Variants in CAND1 observed in about 807,000 individuals in gnomAD.
CAND1 encodes the protein cullin-associated NEDD8-dissociated protein 1.
A neutral mutation model predicts 108.5 loss-of-function variants in CAND1; 7 were observed. That is an observed-to-expected ratio of 0.06 (90% CI 0.04 to 0.12). The LOEUF is 0.12. CAND1 is among the 10% of genes least tolerant of loss of function. The probability of loss-of-function intolerance (pLI) is 1.00; values close to 1 mark genes in which losing one functional copy is unlikely to be tolerated. For missense variants in CAND1, 941 were observed against 1,448.7 expected (o/e 0.65, Z 5.69); for synonymous variants, 534 against 512.0 (o/e 1.04, Z -0.58).
In CAND1 at chr12:67,276,016, A is replaced by T. The variant is rs1152899; in HGVS notation, c.69-5894A>T. Among the ~76,000 whole-genome samples the T allele has an allele frequency of 6.7e-3, 1,025 of 152,210 alleles. 7 individuals carry two copies. Among genetic ancestry groups the T allele is most frequent in the African/African-American group, 0.024 (976 of 41,530 alleles). On this transcript the variant is annotated intron_variant, in intron 1 of 14. Coordinates refer to ENST00000545606, the MANE Select transcript of CAND1 (RefSeq NM_018448.5). ...CATCCACTGAAAGTCACAAGCAGAA[A>T]ATCTTTGATATCACCCTTCTCCCGT...
chr12:67,281,752 G>C (rs2044622194), intron 1 of CAND1, among the ~76,000 whole-genome samples, 158 bp from the exon 2 acceptor site: 1 of 152,130 alleles, frequency 6.6e-6, no homozygotes, highest in South Asian at 2.1e-4. Context: ...GTAGCTTTTA[G>C]ATTAAATTTA....
At chr12:67,295,225 C>T in intron 4 of CAND1, 69 bp downstream of exon 4, 10 of 1,359,700 alleles carry the variant, frequency 7.4e-6, no homozygotes, top group Non-Finnish European at 1.0e-5. Context: ...AAAACCCTTT[C>T]TAGTAAATAT....
intron 7 of CAND1, among the ~76,000 whole-genome samples, chr12:67,299,683 T>C (rs2044805739): frequency 2.6e-5 from 4 of 152,150 alleles, no homozygotes; most frequent in Admixed American, 1.3e-4. Context: ...GCTCCTAAGA[T>C]TGATGTAATC....
chr12:67,275,507 CAGAG>C (rs2044560961), intron 1 of CAND1, among the ~76,000 whole-genome samples: 1 of 150,754 alleles, frequency 6.6e-6, no homozygotes, highest in African/African-American at 2.4e-5. Flanking sequence ...GCCTGGGTGA[CAGAG>C]GGAGACTGTC....
chr12:67,304,031 C>T (rs1260679225), intron 8 of CAND1, among the ~76,000 whole-genome samples: 3 of 146,912 alleles, frequency 2.0e-5, no homozygotes, highest in South Asian at 2.1e-4. Context: ...TGCTCTGTTG[C>T]CAGGCTGGAG....
chr12:67,276,985 TG>T (rs2044575901), intron 1 of CAND1, among the ~76,000 whole-genome samples: 1 of 152,196 alleles, frequency 6.6e-6, no homozygotes, highest in Non-Finnish European at 1.5e-5. Context: ...TTTCTTCTGT[TG>T]TAAGATGAGC....
intron 2 of CAND1, among the ~76,000 whole-genome samples, chr12:67,282,441 A>G (rs1422244150): frequency 6.6e-6 from 1 of 152,176 alleles, no homozygotes; most frequent in Non-Finnish European, 1.5e-5. Context: ...ACTAATAATA[A>G]TAACATTCTT....
In CAND1 at chr12:67,313,009, G is replaced by T; in HGVS notation, c.*179G>T. The T allele has an allele frequency of 1.9e-6, 1 of 527,704 alleles. No homozygotes were observed. The highest frequency in any genetic ancestry group is 3.3e-6 in the Non-Finnish European group (1 of 298,824). The allele number at this position is 527,704 out of a possible 1,614,324, so 32.7% of individuals were successfully genotyped here. On this transcript the variant is annotated 3_prime_UTR_variant, in exon 15 of 15. Coordinates refer to ENST00000545606, the MANE Select transcript of CAND1 (RefSeq NM_018448.5). ...TGTTGTTTTTGTAGCATTTATTTCA[G>T]AAATGTGTATTTCCATAATCCAGAG...
intron 1 of CAND1, among the ~76,000 whole-genome samples, chr12:67,271,506 A>G (rs1400549233): frequency 1.3e-5 from 2 of 152,270 alleles, no homozygotes; most frequent in Admixed American, 6.5e-5. Flanking sequence ...TAAAGAAATT[A>G]TGTGGTGATA....
At chr12:67,283,582 C>CAA (rs376419534) in intron 2 of CAND1, among the ~76,000 whole-genome samples, 44 of 88,502 alleles carry the variant, frequency 5.0e-4, no homozygotes, top group African/African-American at 9.9e-4. Flanking sequence ...GACTGTGTCT[C>CAA]AAAAAAAAAA....
intron 5 of CAND1, 32 bp from the exon 6 acceptor site, chr12:67,297,716 A>T (rs759556343): frequency 1.3e-5 from 21 of 1,581,222 alleles, no homozygotes; most frequent in Non-Finnish European, 1.7e-5. Flanking sequence ...AAATTAATGC[A>T]TGTTTTTAAA....
chr12:67,292,820 G>A lies in CAND1; in HGVS notation c.367+44G>A, dbSNP rs762927888. 3.1e-6 allele frequency: 5 copies of A among 1,598,170 alleles called. No individual in the cohort carries two copies. In the African/African-American group the frequency reaches 5.4e-5, roughly 17 times the overall value. ...TTCTTCCTATTTCTTTTTGTGTGGA[G>A]GTATTTCTCCCCACCCTTTTTTCCC... On this transcript the variant is annotated intron_variant, in intron 3 of 14. Coordinates refer to ENST00000545606, the MANE Select transcript of CAND1 (RefSeq NM_018448.5).
chr12:67,284,769 AGCCCCC>A (rs1198434171), intron 2 of CAND1, among the ~76,000 whole-genome samples: 1 of 151,970 alleles, frequency 6.6e-6, no homozygotes, highest in African/African-American at 2.4e-5. Context: ...CACACACTTC[AGCCCCC>A]GCCCCCGACA....
chr12:67,302,343 G>A lies in CAND1; in HGVS notation c.1021G>A (p.Asp341Asn), dbSNP rs1482108197. Residue 341 changes from aspartate (D) to asparagine (N), a missense_variant, in exon 8 of 15, where the codon GAT (aspartate) becomes AAT (asparagine). Around this residue, in one of 9 missense-constraint regions of CAND1, gnomAD observed 697 missense variants for 942.0 expected, o/e 0.74. Transcript: ENST00000545606. ...CTTAGGGAGTGATGATGAATACAGT[G>A]ATGATGATGACATGAGTTGGAAAGT... The part of the protein sequence containing the change: ...DDQGSDDEYS[D>N]DDDMSWKVRR... 6.2e-7 allele frequency: 1 copy of A among 1,613,360 alleles called. No individual in the cohort carries two copies. The highest frequency in any genetic ancestry group is 1.7e-5 in the Admixed American group (1 of 59,994).
In CAND1 at chr12:67,305,936, A is replaced by T. The variant is rs372317705; in HGVS notation, c.2268A>T (p.Leu756=). ...LLQGGALSAM[L]DFFQALVVTG... ...AGGGGGGAGCTCTTAGTGCCATGCTAGACTTTTTCCAAGCTCTGGTTGTCA... is the reference window on the plus strand; with the variant it reads ...AGGGGGGAGCTCTTAGTGCCATGCTTGACTTTTTCCAAGCTCTGGTTGTCA... Residue 756 remains leucine, a synonymous_variant, in exon 10 of 15, where the codon CTA becomes CTT. Transcript: ENST00000545606. The surrounding 1 kb of genome is among the most constrained non-coding windows in gnomAD (Gnocchi z 4.4). 5.6e-6 allele frequency: 9 copies of T among 1,614,066 alleles called. No individual in the cohort carries two copies. The African/African-American group carries it at 9.3e-5, about 17-fold the overall frequency.
At chr12:67,308,085 T>C (rs2044907731) in intron 11 of CAND1, among the ~76,000 whole-genome samples, 1 of 152,048 alleles carries the variant, frequency 6.6e-6, no homozygotes, top group African/African-American at 2.4e-5. Context: ...TCCTTGCATT[T>C]TGTTTTTATC....
chr12:67,295,403 T>A (rs1324339617), intron 4 of CAND1, among the ~76,000 whole-genome samples: 2 of 152,222 alleles, frequency 1.3e-5, no homozygotes, highest in Non-Finnish European at 2.9e-5. Flanking sequence ...TTTGTGATTT[T>A]AAATTTTTTT....
At chr12:67,269,979 C>A (rs893362763) in intron 1 of CAND1, 194 bp downstream of exon 1, 5 of 548,502 alleles carry the variant, frequency 9.1e-6, no homozygotes, top group African/African-American at 4.0e-5. Flanking sequence ...CCCCCTCCCC[C>A]CATTCTTTCT....
intron 2 of CAND1, 108 bp downstream of exon 2, chr12:67,282,161 A>AGT (rs984007161): frequency 8.7e-5 from 100 of 1,152,582 alleles, no homozygotes; most frequent in Non-Finnish European, 1.1e-4. Flanking sequence ...ATCTCTTTCT[A>AGT]GTGTGTGTGT....
Sources: allele counts gnomAD v4.1 joint callset (sites outside exome capture counted in the v4.1 genomes callset), GRCh38; gene constraint gnomAD v4.1.1; regional missense constraint gnomAD v4.1.1; non-coding constraint Gnocchi (gnomAD v3.1); transcripts MANE v1.5; gene names NCBI Gene and HGNC (gene_info 2026-07-23, HGNC 2026-07-21).